GALNT18: variants seen among roughly 807,000 people sequenced by gnomAD.
GALNT18 encodes the protein polypeptide N-acetylgalactosaminyltransferase 18.
Under a neutral mutation model 69.5 loss-of-function variants are expected in GALNT18, and 44 were observed. The observed-to-expected ratio is 0.63, with a 90% confidence interval of 0.50 to 0.81. The LOEUF (loss-of-function observed/expected upper bound fraction) is 0.81. GALNT18 is among the 40% of genes least tolerant of loss of function. The probability of loss-of-function intolerance (pLI) is 0.00; values close to 1 mark genes in which losing one functional copy is unlikely to be tolerated. For synonymous variants in GALNT18, 364 were observed against 318.2 expected (o/e 1.14, Z -1.53); for missense variants, 715 against 810.0 (o/e 0.88, Z 1.42).
chr11:11,334,388 A>G (rs1850073443), intron 7 of GALNT18, among the ~76,000 whole-genome samples: 1 of 151,876 alleles, frequency 6.6e-6, no homozygotes, highest in African/African-American at 2.4e-5. Flanking sequence ...TAAAAATACA[A>G]AAAAATTAGC....
intron 1 of GALNT18, among the ~76,000 whole-genome samples, chr11:11,532,335 C>G (rs911299875): frequency 6.6e-6 from 1 of 152,170 alleles, no homozygotes; most frequent in Admixed American, 6.5e-5. Context: ...TCGTTCATCT[C>G]TTTTTACAAG....
chr11:11,302,080 G>C (rs1391040105), intron 9 of GALNT18, among the ~76,000 whole-genome samples: 1 of 152,228 alleles, frequency 6.6e-6, no homozygotes, highest in Non-Finnish European at 1.5e-5. Flanking sequence ...ACGCTTGACA[G>C]TACAATGCCA....
intron 3 of GALNT18, among the ~76,000 whole-genome samples, chr11:11,393,724 A>G (rs990211366): frequency 6.6e-6 from 1 of 152,256 alleles, no homozygotes; most frequent in African/African-American, 2.4e-5. Context: ...TGCCCTCCAA[A>G]GACTGCCAAA....
chr11:11,400,874 C>A (rs559101221), intron 3 of GALNT18, among the ~76,000 whole-genome samples: 1 of 151,904 alleles, frequency 6.6e-6, no homozygotes, highest in African/African-American at 2.4e-5. Flanking sequence ...CTATTGGGAC[C>A]GTGCCATGAG....
At chr11:11,395,709 A>G (rs1564927532) in intron 3 of GALNT18, among the ~76,000 whole-genome samples, 2 of 152,190 alleles carry the variant, frequency 1.3e-5, no homozygotes, top group Admixed American at 6.5e-5. Flanking sequence ...AGAGAGAAGG[A>G]AGGAGGCCCA....
intron 9 of GALNT18, among the ~76,000 whole-genome samples, chr11:11,310,578 G>C (rs1396726509): frequency 6.6e-6 from 1 of 152,072 alleles, no homozygotes; most frequent in Non-Finnish European, 1.5e-5. Context: ...CTTCACCCAA[G>C]CCAACCTCCA....
chr11:11,554,682 G>A (rs1029193713), intron 1 of GALNT18, among the ~76,000 whole-genome samples: 3 of 152,106 alleles, frequency 2.0e-5, no homozygotes, highest in East Asian at 1.9e-4. Context: ...TGGAACTGAT[G>A]TTCCATGGAA....
chr11:11,487,471 A>AT (rs1340047709), intron 1 of GALNT18, among the ~76,000 whole-genome samples: 1 of 152,264 alleles, frequency 6.6e-6, no homozygotes, highest in Admixed American at 6.5e-5. Flanking sequence ...ATTATTTAGT[A>AT]TTAGGAAATG....
chr11:11,522,258 C>A (rs1175530261), intron 1 of GALNT18, among the ~76,000 whole-genome samples: 1 of 152,212 alleles, frequency 6.6e-6, no homozygotes, highest in African/African-American at 2.4e-5. Context: ...CCTACAAACT[C>A]TATGCCCCAT....
chr11:11,388,079 G>A (rs1313351270), intron 3 of GALNT18, among the ~76,000 whole-genome samples: 2 of 152,202 alleles, frequency 1.3e-5, no homozygotes, highest in Non-Finnish European at 2.9e-5. Flanking sequence ...AGGCTACAGG[G>A]TTCAGGCACA....
At chr11:11,452,882 C>T (rs970027174) in intron 1 of GALNT18, among the ~76,000 whole-genome samples, 12 of 152,140 alleles carry the variant, frequency 7.9e-5, no homozygotes, top group African/African-American at 2.4e-4. Flanking sequence ...AAGAGAAGCA[C>T]ATCTCCAGGG....
chr11:11,402,172 G>A lies in GALNT18; in HGVS notation c.596-22908C>T, dbSNP rs564093290. Among the ~76,000 whole-genome samples, 3 of 152,238 alleles carry A rather than the reference G, an allele frequency of 2.0e-5. No individual in the cohort carries two copies. The highest frequency in any genetic ancestry group is 4.4e-5 in the Non-Finnish European group (3 of 68,044). ...GCTAGAAAGCAAATAGGCACCAGAA[G>A]AATCATGCAATCATGGTTTATTTTC... On this transcript the variant is annotated intron_variant, in intron 3 of 10. Transcript: ENST00000227756. The surrounding 1 kb of genome is among the most constrained non-coding windows in gnomAD (Gnocchi z 4.0).
At chr11:11,515,133 G>T (rs1338941290) in intron 1 of GALNT18, among the ~76,000 whole-genome samples, 1 of 152,140 alleles carries the variant, frequency 6.6e-6, no homozygotes, top group East Asian at 1.9e-4. Context: ...TGTTGGCTCA[G>T]CTATGCACTC....
intron 1 of GALNT18, among the ~76,000 whole-genome samples, chr11:11,593,962 T>C (rs1859425577): frequency 6.6e-6 from 1 of 152,228 alleles, no homozygotes; most frequent in Non-Finnish European, 1.5e-5. Flanking sequence ...CATAGAGATT[T>C]AGATGAAGGA....
chr11:11,617,234 G>A lies in GALNT18; in HGVS notation c.235+4125C>T, dbSNP rs1460643411. Among the ~76,000 whole-genome samples, 1 of 152,176 alleles carries A rather than the reference G, an allele frequency of 6.6e-6. No individual in the cohort carries two copies. The highest frequency in any genetic ancestry group is 2.4e-5 in the African/African-American group (1 of 41,428). ...AATTGTATGTATGTAATACTTTGTT[G>A]TACTCTCCTCTTTAACCAATTTTTC... On this transcript the variant is annotated intron_variant, in intron 1 of 10. Coordinates refer to ENST00000227756, the MANE Select transcript of GALNT18 (RefSeq NM_198516.3). This position sits in a 1 kb window ranked among gnomAD's most constrained non-coding sequence, Gnocchi z 4.7.
At chr11:11,303,857 G>C (rs1181784377) in intron 9 of GALNT18, among the ~76,000 whole-genome samples, 1 of 152,204 alleles carries the variant, frequency 6.6e-6, no homozygotes, top group East Asian at 1.9e-4. Context: ...GGGACCTTTG[G>C]TGAAAAGCAC....
intron 10 of GALNT18, among the ~76,000 whole-genome samples, chr11:11,292,203 T>C (rs1035544475): frequency 6.6e-6 from 1 of 152,118 alleles, no homozygotes; most frequent in African/African-American, 2.4e-5. Context: ...TCACTTCCTG[T>C]TATTAACGCT....
In GALNT18 at chr11:11,352,802, T is replaced by C; in HGVS notation, c.1093-11798A>G. On this transcript the variant is annotated intron_variant, in intron 6 of 10. Transcript: ENST00000227756. ...GTTCAAAAACCAAGGCGGGGGTTCG[T>C]GACACAGGGTCTTTTACAATGTCTG... 1.2e-6 allele frequency: 2 copies of C among 1,614,198 alleles called. 1 individual carries two copies. The highest frequency in any genetic ancestry group is 2.2e-5 in the South Asian group (2 of 91,080).
intron 10 of GALNT18, among the ~76,000 whole-genome samples, chr11:11,277,200 G>T (rs538378628): frequency 6.6e-6 from 1 of 152,274 alleles, no homozygotes; most frequent in South Asian, 2.1e-4. Flanking sequence ...CCTGTTATTG[G>T]TCTATTCAGA....
Sources: gnomAD v4.1 joint callset for allele counts (sites outside exome capture counted in the v4.1 genomes callset) on GRCh38, gnomAD v4.1.1 for gene constraint, Gnocchi (gnomAD v3.1) non-coding constraint, MANE v1.5 for transcripts, NCBI Gene and HGNC (gene_info 2026-07-23, HGNC 2026-07-21) for gene names.